Variants in PAX8 observed in about 807,000 individuals in gnomAD.
The protein encoded by PAX8 is paired box 8.
In PAX8, 15 loss-of-function variants were observed where a neutral mutation model predicts 52.4. The observed-to-expected ratio is 0.29, with a 90% CI of 0.19 to 0.44. PAX8 has a LOEUF of 0.44. PAX8 is among the 20% of genes least tolerant of loss of function. The pLI is 1.00. For missense variants in PAX8, 554 were observed against 602.5 expected (o/e 0.92, Z 0.84); for synonymous variants, 284 against 249.7 (o/e 1.14, Z -1.29).
chr2:113,276,897 G>C (rs1693856439), intron 2 of PAX8, among the ~76,000 whole-genome samples: 1 of 151,570 alleles, frequency 6.6e-6, no homozygotes, highest in Non-Finnish European at 1.5e-5. Flanking sequence ...CTTGGCATGG[G>C]CACCGGGCAC....
Position 113,246,892 on chromosome 2 carries a change from C to A in PAX8, c.53G>T (p.Gly18Val). The change falls in exon 3 of 12, where the codon GGG becomes GTG. Residue 18 changes from glycine (G) to valine (V), a missense_variant. Gly to Val is a moderately radical substitution (Grantham distance 109). Transcript: ENST00000429538. ...CAGAGGTCTGCCATTCACAAAGGCC[C>A]CTCCCAGCTGGTTCAGCCCTCCATG... ...SGHGGLNQLG[G>V]AFVNGRPLPE... is the part of the protein sequence containing the mutation. 1 of 1,614,066 alleles carries A rather than the reference C, an allele frequency of 6.2e-7. No individual in the cohort carries two copies. Among genetic ancestry groups the A allele is most frequent in the Non-Finnish European group, 8.5e-7 (1 of 1,179,930 alleles).
chr2:113,248,437 A>G (rs1344249072), intron 2 of PAX8, among the ~76,000 whole-genome samples: 1 of 152,190 alleles, frequency 6.6e-6, no homozygotes, highest in East Asian at 1.9e-4. Flanking sequence ...CTGGGAAGGT[A>G]GAGCCCTGCA....
At chr2:113,245,347 ATGAC>A (rs757881251) in intron 3 of PAX8, among the ~76,000 whole-genome samples, 7 of 152,076 alleles carry the variant, frequency 4.6e-5, no homozygotes, top group Non-Finnish European at 7.4e-5. Context: ...TGCCCAGCCA[ATGAC>A]TGACTATTTT....
intron 3 of PAX8, among the ~76,000 whole-genome samples, chr2:113,246,393 C>T (rs1486234072): frequency 6.6e-6 from 1 of 152,076 alleles, no homozygotes; most frequent in Non-Finnish European, 1.5e-5. Flanking sequence ...GTGTCCCCTC[C>T]CTAGTGGCCT....
Position 113,278,399 on chromosome 2 carries a change from G to A in PAX8, c.-5C>T, listed in dbSNP as rs775405306. On this transcript the variant is annotated 5_prime_UTR_variant, in exon 2 of 12. Transcript: ENST00000429538. ...TCTGATGGAGTTGTGAGGCATCGCC[G>A]GGGAGTCGCTCGCAGCCCGCCGAGG... 5.6e-6 allele frequency: 9 copies of A among 1,610,376 alleles called. No individual in the cohort carries two copies. The highest frequency in any genetic ancestry group is 6.8e-6 in the Non-Finnish European group (8 of 1,178,480).
At chr2:113,275,546 A>G (rs6756626) in intron 2 of PAX8, 17,557 of 152,180 alleles carry the variant, frequency 0.12, 1,269 homozygotes, top group African/African-American at 0.2. Flanking sequence ...GCCTTGTCTT[A>G]TTTTACCACT....
At chr2:113,271,141 A>G (rs142622377) in intron 2 of PAX8, 1 of 152,328 alleles carries the variant, frequency 6.6e-6, no homozygotes, top group African/African-American at 2.4e-5. Context: ...GGACATAACA[A>G]CCGGCACCTC....
intron 2 of PAX8, chr2:113,276,471 G>A (rs1693820635): frequency 2.6e-5 from 4 of 152,134 alleles, no homozygotes. Flanking sequence ...GTAGGTCCAG[G>A]GGCAGAGGGC....
chr2:113,254,830 C>T (rs1233925769), intron 2 of PAX8, among the ~76,000 whole-genome samples: 5 of 152,102 alleles, frequency 3.3e-5, no homozygotes, highest in South Asian at 2.1e-4. Context: ...CTGGAGTGCC[C>T]GTCCTCACCT....
chr2:113,235,517 A>G lies in PAX8; in HGVS notation c.964T>C (p.Ser322Pro). The G allele has an allele frequency of 1.2e-6, 2 of 1,613,832 alleles. No homozygotes were observed. Among genetic ancestry groups the G allele is most frequent in the Non-Finnish European group, 1.7e-6 (2 of 1,179,824 alleles). Residue 322 changes from serine to proline, a missense_variant, in exon 9 of 12, where the codon TCC (serine) becomes CCC (proline). This residue lies in a region of PAX8 where 445 missense variants were observed against 409.9 expected (regional missense o/e 1.09). Coordinates refer to ENST00000429538, the MANE Select transcript of PAX8 (RefSeq NM_003466.4). The part of the protein sequence containing the change: ...PEVSSSSSTP[S>P]SLSSSAFLDL... ...AAAAAGGCGGAGCTAGATAAAGAGG[A>G]AGGGGTGGAGCTAGAACTGGACACC... is the stretch of plus-strand genomic sequence containing the variant.
chr2:113,254,112 G>A (rs1228938770), intron 2 of PAX8, among the ~76,000 whole-genome samples: 2 of 152,012 alleles, frequency 1.3e-5, no homozygotes, highest in East Asian at 1.9e-4. Context: ...ACAAGACCAC[G>A]TTTTACCTCC....
intron 2 of PAX8, chr2:113,272,938 G>A (rs1433195954): frequency 6.6e-6 from 1 of 152,254 alleles, no homozygotes; most frequent in African/African-American, 2.4e-5. Context: ...TAAAACAAAA[G>A]CAAAACTAAT....
chr2:113,261,349 A>G (rs1027379216), intron 2 of PAX8, among the ~76,000 whole-genome samples: 2 of 152,174 alleles, frequency 1.3e-5, no homozygotes, highest in African/African-American at 4.8e-5. Flanking sequence ...CAGCCGGGGA[A>G]CAGAGGCCAG....
chr2:113,216,484 A>C lies in PAX8; in HGVS notation c.*2049T>G, dbSNP rs1202777482. 1 of 230,726 alleles carries C rather than the reference A, an allele frequency of 4.3e-6. No homozygotes were observed. The highest frequency in any genetic ancestry group is 8.6e-6 in the Non-Finnish European group (1 of 116,614). 14.3% of individuals were successfully genotyped at this position (230,726 alleles called of 1,614,324 possible). ...ATATTCACCTGGGCATCCCAGCTGC[A>C]GGCCCCTGCCCCCTTGTTCCAGCTG... On this transcript the variant is annotated 3_prime_UTR_variant, in exon 12 of 12. Coordinates refer to ENST00000429538, the MANE Select transcript of PAX8 (RefSeq NM_003466.4).
At chr2:113,247,883 T>C (rs1691455737) in intron 2 of PAX8, among the ~76,000 whole-genome samples, 1 of 152,174 alleles carries the variant, frequency 6.6e-6, no homozygotes, top group South Asian at 2.1e-4. Flanking sequence ...CCAGTTAACA[T>C]ATTTTGTGAC....
At chr2:113,238,188 G>C (rs1690529493) in intron 7 of PAX8, 1 of 151,286 alleles carries the variant, frequency 6.6e-6, no homozygotes, top group Non-Finnish European at 1.5e-5. Flanking sequence ...CCCTGCCTCA[G>C]CCTCCCGAGT....
intron 2 of PAX8, among the ~76,000 whole-genome samples, chr2:113,261,514 A>G (rs4848321): frequency 0.22 from 32,965 of 152,142 alleles, 3,689 homozygotes; most frequent in South Asian, 0.25. Flanking sequence ...CTTGCATGGT[A>G]ACAAAGTGGG....
rs1255130487 is a variant in PAX8, at chr2:113,236,814, TC to T, written c.778-94del. On this transcript the variant is annotated intron_variant, in intron 7 of 11. Transcript: ENST00000429538. ...CCTGTGTCTTAGGACTTGGCAGCCC[TC>T]ATCTCCCCAGGAGAGGTCCTCATCG... 3 of 1,455,120 alleles carry T rather than the reference TC, an allele frequency of 2.1e-6. No individual in the cohort carries two copies. In the African/African-American group the frequency reaches 4.2e-5, roughly 20 times the overall value. 90.1% of individuals were successfully genotyped at this position (1,455,120 alleles called of 1,614,324 possible). A position where few individuals can be genotyped will look rare whatever the true frequency, so the allele number is the denominator to read the frequency against.
intron 9 of PAX8, among the ~76,000 whole-genome samples, chr2:113,234,063 C>T (rs1380239017): frequency 1.3e-5 from 2 of 152,196 alleles, no homozygotes; most frequent in African/African-American, 2.4e-5. Context: ...CACTAAATAC[C>T]CACACTCCTT....
Sources: gnomAD v4.1 joint callset for allele counts (sites outside exome capture counted in the v4.1 genomes callset) on GRCh38, gnomAD v4.1.1 for gene constraint, gnomAD v4.1.1 regional missense constraint, MANE v1.5 for transcripts, NCBI Gene and HGNC (gene_info 2026-07-23, HGNC 2026-07-21) for gene names.